Variants in BACH2 observed in about 807,000 individuals in gnomAD.
The protein encoded by BACH2 is transcription regulator protein BACH2.
Under a neutral mutation model 61.8 loss-of-function variants are expected in BACH2, and 5 were observed. The observed-to-expected ratio is 0.08, with a 90% CI of 0.04 to 0.17. The LOEUF (loss-of-function observed/expected upper bound fraction) is 0.17, where lower values mean the gene tolerates loss of function less well. Ranked by LOEUF, BACH2 falls within the 10% of genes least tolerant of loss-of-function variation. The pLI, the probability that BACH2 is intolerant of heterozygous loss-of-function variation, is 1.00. For synonymous variants in BACH2, 446 were observed against 440.1 expected, an observed-to-expected ratio of 1.01 and a Z score of -0.17; for missense variants, 824 against 1,091.1, an observed-to-expected ratio of 0.76 and a Z score of 3.45.
chr6:90,103,024 T>C (rs1357670916), intron 4 of BACH2, among the ~76,000 whole-genome samples: 1 of 56,104 alleles, frequency 1.8e-5, no homozygotes, highest in East Asian at 3.1e-4. Flanking sequence ...TATATATATA[T>C]ATATATTTTT....
chr6:90,071,403 T>C (rs1781222018), intron 5 of BACH2, among the ~76,000 whole-genome samples: 1 of 152,188 alleles, frequency 6.6e-6, no homozygotes. Context: ...ACAGCAAATT[T>C]TGCCAGAAAG....
chr6:90,130,957 A>C (rs1414098573), intron 4 of BACH2, among the ~76,000 whole-genome samples: 1 of 152,236 alleles, frequency 6.6e-6, no homozygotes, highest in Non-Finnish European at 1.5e-5. Flanking sequence ...GGTAATACAC[A>C]TGCAAAATGT....
chr6:90,250,517 C>T (rs1296910451), intron 3 of BACH2, among the ~76,000 whole-genome samples: 2 of 152,062 alleles, frequency 1.3e-5, no homozygotes, highest in African/African-American at 4.8e-5. Context: ...TTCATTCATT[C>T]GACAGATATT....
At chr6:90,179,960 T>C (rs996892728) in intron 4 of BACH2, among the ~76,000 whole-genome samples, 3 of 152,132 alleles carry the variant, frequency 2.0e-5, no homozygotes, top group African/African-American at 7.2e-5. Context: ...ATTCTAATAG[T>C]TACCCCACTG....
chr6:90,085,624 A>G (rs4707594), intron 5 of BACH2, among the ~76,000 whole-genome samples: 41,687 of 151,948 alleles, frequency 0.27, 6,520 homozygotes, highest in East Asian at 0.68. Flanking sequence ...CATTCCTGGG[A>G]CTGAAGTATA....
At chr6:90,219,527 TCATCAC>T (rs1322982697) in intron 3 of BACH2, among the ~76,000 whole-genome samples, 3 of 152,182 alleles carry the variant, frequency 2.0e-5, no homozygotes, top group Non-Finnish European at 4.4e-5. Flanking sequence ...TCTCTGCCAT[TCATCAC>T]GTACAAAGAA....
chr6:90,069,248 T>C (rs1781110036), intron 5 of BACH2, among the ~76,000 whole-genome samples: 1 of 152,180 alleles, frequency 6.6e-6, no homozygotes, highest in African/African-American at 2.4e-5. Flanking sequence ...AGTGGATGGA[T>C]GGAAGGATGG....
chr6:90,264,406 T>C (rs1254025360), intron 2 of BACH2, among the ~76,000 whole-genome samples: 1 of 152,180 alleles, frequency 6.6e-6, no homozygotes, highest in East Asian at 1.9e-4. Flanking sequence ...ATAACAAATA[T>C]TAATAATTGG....
At chr6:89,983,496 C>T (rs1400129747) in intron 6 of BACH2, among the ~76,000 whole-genome samples, 2 of 152,244 alleles carry the variant, frequency 1.3e-5, no homozygotes, top group East Asian at 3.9e-4. Flanking sequence ...TGGTGAAACG[C>T]TGTCTCTACT....
intron 6 of BACH2, among the ~76,000 whole-genome samples, chr6:89,968,879 C>T (rs962087856): frequency 5.9e-5 from 9 of 151,968 alleles, no homozygotes; most frequent in African/African-American, 1.2e-4. Flanking sequence ...GGTGTGGTGG[C>T]GTATGCCTGT....
At chr6:90,091,769 G>A (rs1483357200) in intron 4 of BACH2, among the ~76,000 whole-genome samples, 1 of 152,106 alleles carries the variant, frequency 6.6e-6, no homozygotes, top group African/African-American at 2.4e-5. Flanking sequence ...TATTTTGGGA[G>A]TGATTTAAAT....
intron 6 of BACH2, among the ~76,000 whole-genome samples, chr6:89,957,730 G>C (rs999646907): frequency 6.6e-6 from 1 of 151,772 alleles, no homozygotes; most frequent in Non-Finnish European, 1.5e-5. Context: ...TAGTAGAGAC[G>C]GGGTTTCACT....
At chr6:90,267,814 C>CCTTCT (rs1771388703) in intron 2 of BACH2, among the ~76,000 whole-genome samples, 1 of 151,948 alleles carries the variant, frequency 6.6e-6, no homozygotes, top group Admixed American at 6.6e-5. Context: ...AAAAAATGTC[C>CCTTCT]CTTCTCCATG....
Position 90,113,432 on chromosome 6 carries a change from T to C in BACH2, c.-161-24323A>G, listed in dbSNP as rs893634523. ...ACAATAAAAATAGAAGTCAACACAA[T>C]GAAAACTGCTCAAAACCATACAATC... On this transcript the variant is annotated intron_variant, in intron 4 of 8. Transcript: ENST00000257749. Among the ~76,000 whole-genome samples, 15 of 152,012 alleles carry C rather than the reference T, an allele frequency of 9.9e-5. 1 individual carries two copies. Among genetic ancestry groups the C allele is most frequent in the African/African-American group, 2.7e-4 (11 of 41,406 alleles).
chr6:90,071,095 A>C (rs543096425), intron 5 of BACH2, among the ~76,000 whole-genome samples: 1 of 152,024 alleles, frequency 6.6e-6, no homozygotes, highest in African/African-American at 2.4e-5. Flanking sequence ...AAGCAATCCC[A>C]CCGTCTTGGC....
At chr6:89,983,022 G>A (rs1280644314) in intron 6 of BACH2, among the ~76,000 whole-genome samples, 1 of 152,176 alleles carries the variant, frequency 6.6e-6, no homozygotes, top group African/African-American at 2.4e-5. Context: ...ACAGACCCTG[G>A]CCTTGCCCAT....
At chr6:90,211,563 AAG>A in intron 3 of BACH2, among the ~76,000 whole-genome samples, 1 of 149,566 alleles carries the variant, frequency 6.7e-6, no homozygotes, top group African/African-American at 2.5e-5. Context: ...ATGCTCTTTA[AAG>A]AGAAGCTTAA....
intron 4 of BACH2, among the ~76,000 whole-genome samples, chr6:90,113,950 C>T (rs1228641893): frequency 6.6e-6 from 1 of 152,028 alleles, no homozygotes; most frequent in Non-Finnish European, 1.5e-5. Context: ...ACACATACAC[C>T]CTCCTAAGAC....
chr6:90,278,094 G>C (rs1250348055), intron 1 of BACH2, among the ~76,000 whole-genome samples: 3 of 152,186 alleles, frequency 2.0e-5, no homozygotes, highest in African/African-American at 7.2e-5. Flanking sequence ...GAGACACTTG[G>C]TAAATAATTT....
Sources: gnomAD v4.1 joint callset for allele counts (sites outside exome capture counted in the v4.1 genomes callset) on GRCh38, gnomAD v4.1.1 for gene constraint, MANE v1.5 for transcripts, NCBI Gene and HGNC (gene_info 2026-07-23, HGNC 2026-07-21) for gene names.